CRISPLD1: variants seen among roughly 807,000 people sequenced by gnomAD.
CRISPLD1 encodes the protein cysteine-rich secretory protein LCCL domain-containing 1.
In CRISPLD1, 60 loss-of-function variants were observed where a neutral mutation model predicts 77.5. That is an observed-to-expected ratio of 0.77 (90% CI 0.63 to 0.96). The LOEUF is 0.96. Among genes scored for constraint, CRISPLD1 ranks in the 40% least tolerant of loss-of-function variants. The pLI is 0.00. For synonymous variants in CRISPLD1, 195 were observed against 200.1 expected, an observed-to-expected ratio of 0.97 and a Z score of 0.22; for missense variants, 623 against 615.8, an observed-to-expected ratio of 1.01 and a Z score of -0.12.
Position 75,025,374 on chromosome 8 carries a change from A to T in CRISPLD1, c.1245-172A>T, listed in dbSNP as rs113122173. ...TTATGCCAAAAGATAGATAAACAGA[A>T]GCAATTGTGTCTACTGCTTGGGCTT... On this transcript the variant is annotated intron_variant, in intron 12 of 14. Coordinates refer to ENST00000262207, the MANE Select transcript of CRISPLD1 (RefSeq NM_031461.6). Among the ~76,000 whole-genome samples, 325 of 152,166 alleles carry T rather than the reference A, an allele frequency of 2.1e-3. 1 individual carries two copies. The highest frequency in any genetic ancestry group is 7.6e-3 in the African/African-American group (315 of 41,520).
At chr8:75,011,042 G>A (rs920355187) in intron 2 of CRISPLD1, among the ~76,000 whole-genome samples, 3 of 151,318 alleles carry the variant, frequency 2.0e-5, no homozygotes, top group East Asian at 1.9e-4. Context: ...TAGTATCATC[G>A]GTCTTACCTT....
intron 2 of CRISPLD1, chr8:75,000,096 CTGTTTCTGGAA>C: frequency 4.1e-6 from 4 of 974,586 alleles, no homozygotes; most frequent in Non-Finnish European, 4.9e-6. Flanking sequence ...ATGGGAGTTA[CTGTTTCTGGAA>C]TGTCCCCTGT....
intron 2 of CRISPLD1, among the ~76,000 whole-genome samples, chr8:74,993,263 A>G (rs1812600464): frequency 6.6e-6 from 1 of 152,178 alleles, no homozygotes; most frequent in Non-Finnish European, 1.5e-5. Context: ...GATTCCTAAA[A>G]TAAGAGTTTT....
intron 5 of CRISPLD1, 41 bp from the exon 6 acceptor site, chr8:75,014,771 C>A: frequency 2.4e-6 from 3 of 1,271,396 alleles, no homozygotes; most frequent in Non-Finnish European, 3.4e-6. Flanking sequence ...ATAAATTATG[C>A]CATTAGACTA....
chr8:75,018,286 G>A (rs1036175356), intron 10 of CRISPLD1, among the ~76,000 whole-genome samples: 4 of 151,376 alleles, frequency 2.6e-5, no homozygotes, highest in South Asian at 2.1e-4. Flanking sequence ...GTTGTTTTTC[G>A]TTTGTTTGTT....
chr8:75,007,361 T>C (rs1812849634), intron 2 of CRISPLD1, among the ~76,000 whole-genome samples: 1 of 152,168 alleles, frequency 6.6e-6, no homozygotes, highest in South Asian at 2.1e-4. Flanking sequence ...GCAATACTGC[T>C]GGCCTAAATT....
chr8:75,005,604 C>A (rs1409892171), intron 2 of CRISPLD1, among the ~76,000 whole-genome samples: 1 of 152,008 alleles, frequency 6.6e-6, no homozygotes, highest in Admixed American at 6.6e-5. Context: ...GAGCATAATT[C>A]TATCATTACT....
chr8:75,031,218 C>T (rs1466964801), intron 14 of CRISPLD1, among the ~76,000 whole-genome samples: 1 of 151,962 alleles, frequency 6.6e-6, no homozygotes, highest in Non-Finnish European at 1.5e-5. Context: ...TTGTGATACC[C>T]TTATTTTTGC....
intron 5 of CRISPLD1, among the ~76,000 whole-genome samples, 184 bp from the exon 6 acceptor site, chr8:75,014,628 A>G (rs1812993768): frequency 6.6e-6 from 1 of 152,226 alleles, no homozygotes. Flanking sequence ...GTAAATTTTC[A>G]AAATGAGGCA....
At chr8:75,018,289 T>C (rs1164965090) in intron 10 of CRISPLD1, among the ~76,000 whole-genome samples, 2 of 152,058 alleles carry the variant, frequency 1.3e-5, no homozygotes, top group Admixed American at 6.6e-5. Context: ...GTTTTTCGTT[T>C]GTTTGTTTTG....
At chr8:75,004,818 C>A (rs1014893080) in intron 2 of CRISPLD1, among the ~76,000 whole-genome samples, 1 of 152,036 alleles carries the variant, frequency 6.6e-6, no homozygotes, top group Non-Finnish European at 1.5e-5. Context: ...TGAAAAATTC[C>A]GGTGTTCCTG....
intron 14 of CRISPLD1, among the ~76,000 whole-genome samples, chr8:75,030,319 A>C (rs1322679634): frequency 6.6e-6 from 1 of 152,110 alleles, no homozygotes; most frequent in East Asian, 1.9e-4. Context: ...CAAAAATACA[A>C]ATCTGCATTA....
rs200705853 is a variant in CRISPLD1 at position 75,013,990 on chromosome 8, G to A, written c.514G>A (p.Val172Met). 8.1e-5 allele frequency: 131 copies of A among 1,608,682 alleles called. No homozygotes were observed. Among genetic ancestry groups the A allele is most frequent in the South Asian group, 5.3e-4 (48 of 90,960 alleles). ...GCCTTTCATTTTTCTAACATAGGTC[G>A]TGTGGGCAACTAGTAACAGAATCGG... Reference protein sequence around the residue: ...GPVCTHYTQVVWATSNRIGCA... With the variant: ...GPVCTHYTQVMWATSNRIGCA... The change falls in exon 5 of 15, where the codon GTG (valine) becomes ATG (methionine). Residue 172 changes from valine to methionine, a missense_variant. Val to Met is a conservative substitution (Grantham distance 21, BLOSUM62 1). Transcript: ENST00000262207.
At chr8:74,995,740 A>G (rs546587483) in intron 2 of CRISPLD1, among the ~76,000 whole-genome samples, 19 of 152,304 alleles carry the variant, frequency 1.2e-4, no homozygotes, top group Middle Eastern at 3.4e-3. Context: ...GATGATAAAT[A>G]GGAAAATGTA....
intron 2 of CRISPLD1, among the ~76,000 whole-genome samples, chr8:74,998,462 G>A (rs1326483425): frequency 6.6e-6 from 1 of 152,004 alleles, no homozygotes; most frequent in Non-Finnish European, 1.5e-5. Context: ...GCTGAGGCAG[G>A]TGGATCACCT....
chr8:74,991,015 T>C (rs1404756386), intron 2 of CRISPLD1, among the ~76,000 whole-genome samples: 2 of 151,562 alleles, frequency 1.3e-5, no homozygotes, highest in East Asian at 3.9e-4. Flanking sequence ...TTTTTCGAGA[T>C]GGAATCTCAC....
intron 14 of CRISPLD1, among the ~76,000 whole-genome samples, chr8:75,031,401 G>C (rs1440134642): frequency 6.6e-6 from 1 of 152,046 alleles, no homozygotes; most frequent in African/African-American, 2.4e-5. Flanking sequence ...AATAAATAAT[G>C]ATTAATGGTA....
At position 75,033,922 on chromosome 8, in the gene CRISPLD1, C is replaced by T. The variant is rs1813399491; in HGVS notation, c.*1680C>T. On this transcript the variant is annotated 3_prime_UTR_variant, in exon 15 of 15. Coordinates refer to ENST00000262207, the MANE Select transcript of CRISPLD1 (RefSeq NM_031461.6). ...ATGACCACCTTCTTAAATAGTATGA[C>T]TTTACATAGACTCTTTTTCTGGTCC... is the stretch of plus-strand genomic sequence containing the variant. 2 of 151,958 alleles carry T rather than the reference C, an allele frequency of 1.3e-5. No homozygotes were observed. Among genetic ancestry groups the T allele is most frequent in the Admixed American group, 1.3e-4 (2 of 15,224 alleles). The allele number at this position is 151,958 out of a possible 1,614,324, so 9.4% of individuals were successfully genotyped here.
rs147899383 is a variant in CRISPLD1 at position 75,013,860 on chromosome 8, A to C, written c.511-127A>C. The C allele has an allele frequency of 5.0e-4, 320 of 639,704 alleles. 1 individual carries two copies. In the African/African-American group the frequency reaches 5.0e-3, roughly 10 times the overall value. 39.6% of individuals were successfully genotyped at this position (639,704 alleles called of 1,614,324 possible). A position where few individuals can be genotyped will look rare whatever the true frequency, so the allele number is the denominator to read the frequency against. ...CAGGAAAAAGACCCTTTTTGATTTGATCTCAGTTCATTTTGAATGATAAAC... is the reference window on the plus strand; with the variant it reads ...CAGGAAAAAGACCCTTTTTGATTTGCTCTCAGTTCATTTTGAATGATAAAC... On this transcript the variant is annotated intron_variant, in intron 4 of 14. Transcript: ENST00000262207.
Sources: gnomAD v4.1 joint callset for allele counts (sites outside exome capture counted in the v4.1 genomes callset) on GRCh38, gnomAD v4.1.1 for gene constraint, MANE v1.5 for transcripts, NCBI Gene and HGNC (gene_info 2026-07-23, HGNC 2026-07-21) for gene names.